ESRRG: variants seen among roughly 807,000 people sequenced by gnomAD.
ESRRG encodes the protein estrogen-related receptor gamma.
Under a neutral mutation model 44.0 loss-of-function variants are expected in ESRRG, and 13 were observed. The observed-to-expected ratio is 0.30, with a 90% CI of 0.19 to 0.47. The LOEUF (loss-of-function observed/expected upper bound fraction) is 0.47, where lower values mean the gene tolerates loss of function less well. Among genes scored for constraint, ESRRG ranks in the 20% least tolerant of loss-of-function variants. The pLI, the probability that ESRRG is intolerant of heterozygous loss-of-function variation, is 1.00. For missense variants in ESRRG, 395 were observed against 580.6 expected, an observed-to-expected ratio of 0.68 and a Z score of 3.29; for synonymous variants, 215 against 214.6, an observed-to-expected ratio of 1.00 and a Z score of -0.02.
chr1:217,086,766 A>G (rs986971926), intron 1 of ESRRG, among the ~76,000 whole-genome samples: 1 of 152,252 alleles, frequency 6.6e-6, no homozygotes, highest in Non-Finnish European at 1.5e-5. Flanking sequence ...AAACAAATAC[A>G]GAATTTCTAT....
intron 2 of ESRRG, chr1:216,865,094 T>C (rs1054123787): frequency 4.1e-5 from 6 of 147,070 alleles, no homozygotes; most frequent in African/African-American, 1.3e-4. Flanking sequence ...TGCATTTTCA[T>C]GAATGAAGAA....
Position 216,800,971 on chromosome 1 carries a change from T to A in ESRRG, c.-13-123480A>T, listed in dbSNP as rs546704286. On this transcript the variant is annotated intron_variant, in intron 2 of 7. Coordinates refer to the ESRRG transcript ENST00000359162. Reference sequence around the variant, plus strand: ...GGTATACAATGATATTCATTCAATTTCACACCAATTCTTTTTTTAATGTTA... The same window carrying A: ...GGTATACAATGATATTCATTCAATTACACACCAATTCTTTTTTTAATGTTA... Among the ~76,000 whole-genome samples the A allele has an allele frequency of 1.7e-3, 257 of 152,290 alleles. 1 individual carries two copies. The highest frequency in any genetic ancestry group is 2.8e-3 in the Non-Finnish European group (190 of 68,012).
At chr1:217,136,005 A>T (rs2093044536) in intron 1 of ESRRG, among the ~76,000 whole-genome samples, 1 of 151,998 alleles carries the variant, frequency 6.6e-6, no homozygotes, top group Non-Finnish European at 1.5e-5. Flanking sequence ...ATGAAATTTA[A>T]TTTTATTAGA....
chr1:216,767,234 A>T (rs533071425), intron 2 of ESRRG, among the ~76,000 whole-genome samples: 1 of 152,182 alleles, frequency 6.6e-6, no homozygotes, highest in African/African-American at 2.4e-5. Flanking sequence ...TTGAAGTTAC[A>T]TTGGCTTCTA....
At chr1:217,126,637 G>C (rs1189912933) in intron 1 of ESRRG, among the ~76,000 whole-genome samples, 1 of 152,042 alleles carries the variant, frequency 6.6e-6, no homozygotes, top group Non-Finnish European at 1.5e-5. Flanking sequence ...ATCTTAAGTA[G>C]GCAAACAGCA....
chr1:216,781,284 A>G (rs2147884806), intron 2 of ESRRG, among the ~76,000 whole-genome samples: 1 of 152,110 alleles, frequency 6.6e-6, no homozygotes, highest in East Asian at 1.9e-4. Flanking sequence ...CCAAAATAAA[A>G]AAAAAAAATC....
chr1:217,134,569 G>T (rs2093020894), intron 1 of ESRRG, among the ~76,000 whole-genome samples: 1 of 152,074 alleles, frequency 6.6e-6, no homozygotes, highest in South Asian at 2.1e-4. Context: ...TCCACACCCC[G>T]TACCCCCAAA....
intron 2 of ESRRG, among the ~76,000 whole-genome samples, chr1:216,809,511 A>G (rs1030846): frequency 0.25 from 38,608 of 152,004 alleles, 5,215 homozygotes; most frequent in East Asian, 0.42. Context: ...CAACATTTTT[A>G]TGCTGAATTC....
intron 2 of ESRRG, among the ~76,000 whole-genome samples, chr1:216,813,385 C>T (rs1393493804): frequency 1.6e-4 from 25 of 152,064 alleles, no homozygotes; most frequent in Admixed American, 1.6e-3. Flanking sequence ...GTATCAGTAA[C>T]TTAATAATAT....
chr1:216,721,623 G>C (rs1575746014), intron 1 of ESRRG, among the ~76,000 whole-genome samples: 1 of 152,172 alleles, frequency 6.6e-6, no homozygotes, highest in East Asian at 1.9e-4. Context: ...TTAGCTATAA[G>C]AAGTTAAATT....
chr1:216,703,537 A>G (rs1216581709), intron 1 of ESRRG, among the ~76,000 whole-genome samples: 2 of 152,068 alleles, frequency 1.3e-5, no homozygotes, highest in African/African-American at 4.8e-5. Context: ...TAATTTAAGA[A>G]TAAGTGAAGG....
intron 1 of ESRRG, among the ~76,000 whole-genome samples, chr1:217,119,037 AGATAGATAGATAGAG>A (rs1262575612): frequency 2.0e-5 from 3 of 151,484 alleles, no homozygotes; most frequent in African/African-American, 7.3e-5. Flanking sequence ...ATAGATAGAT[AGATAGATAGATAGAG>A]ACACAGATAC....
intron 2 of ESRRG, among the ~76,000 whole-genome samples, chr1:216,937,960 G>A (rs2064441687): frequency 6.6e-6 from 1 of 151,524 alleles, no homozygotes; most frequent in African/African-American, 2.4e-5. Context: ...TAAAGGTGAA[G>A]GTGTTTTTCT....
intron 2 of ESRRG, among the ~76,000 whole-genome samples, chr1:216,659,800 A>T (rs2071766476): frequency 6.6e-6 from 1 of 152,048 alleles, no homozygotes; most frequent in Non-Finnish European, 1.5e-5. Flanking sequence ...AGCACTTAAC[A>T]CACTTTATTA....
At chr1:216,532,892 G>A (rs1364423979) in intron 5 of ESRRG, among the ~76,000 whole-genome samples, 1 of 152,078 alleles carries the variant, frequency 6.6e-6, no homozygotes, top group African/African-American at 2.4e-5. Flanking sequence ...AACGAGGTTG[G>A]GGGTTTTCTT....
chr1:216,519,984 C>T (rs1312000475), intron 5 of ESRRG, among the ~76,000 whole-genome samples: 2 of 152,008 alleles, frequency 1.3e-5, no homozygotes, highest in African/African-American at 4.8e-5. Flanking sequence ...TCTTAATTGG[C>T]TATTTCTCCC....
In ESRRG at chr1:216,592,671, T is replaced by G. The variant is rs2057865590; in HGVS notation, c.590-24573A>C. On this transcript the variant is annotated intron_variant, in intron 3 of 6. Transcript: ENST00000408911. Reference sequence around the variant, plus strand: ...ATGCACCACCACGCCCAGCTAATTTTGTATTTTTAGTAGAGATGGTGTTTC... The same window carrying G: ...ATGCACCACCACGCCCAGCTAATTTGGTATTTTTAGTAGAGATGGTGTTTC... 2.0e-5 allele frequency among the ~76,000 whole-genome samples: 3 copies of G among 152,228 alleles called. No individual in the cohort carries two copies. In the South Asian group the frequency reaches 6.2e-4, roughly 32 times the overall value.
At chr1:216,953,235 A>G (rs565714032) in intron 1 of ESRRG, among the ~76,000 whole-genome samples, 60 of 152,122 alleles carry the variant, frequency 3.9e-4, no homozygotes, top group Non-Finnish European at 8.7e-4. Context: ...CCTTATAATC[A>G]AGACCATATG....
intron 2 of ESRRG, among the ~76,000 whole-genome samples, chr1:216,676,602 A>C (rs1210393421): frequency 6.6e-6 from 1 of 152,172 alleles, no homozygotes; most frequent in Non-Finnish European, 1.5e-5. Flanking sequence ...AGATCTAATG[A>C]ATCAGAAATT....
Sources: gnomAD v4.1 joint callset for allele counts (sites outside exome capture counted in the v4.1 genomes callset) on GRCh38, gnomAD v4.1.1 for gene constraint, MANE v1.5 for transcripts, NCBI Gene and HGNC (gene_info 2026-07-23, HGNC 2026-07-21) for gene names.